TRPM1: variants seen among roughly 807,000 people sequenced by gnomAD.
TRPM1 encodes TRPM1-203 APA Isoform, Intron 10.
TRPM1 carries 113 observed loss-of-function variants against 149.4 expected under a neutral mutation model. The ratio of observed to expected loss-of-function variants is 0.76; its 90% confidence interval spans 0.65 to 0.88. The LOEUF is 0.88. Among genes scored for constraint, TRPM1 ranks in the 40% least tolerant of loss-of-function variants. The pLI, the probability that TRPM1 is intolerant of heterozygous loss-of-function variation, is 0.00. For synonymous variants in TRPM1, 741 were observed against 759.5 expected (o/e 0.98, Z 0.40); for missense variants, 1,976 against 2,038.7 (o/e 0.97, Z 0.59).
chr15:31,011,027 A>G (rs1192876841), intron 27 of TRPM1, among the ~76,000 whole-genome samples: 1 of 152,110 alleles, frequency 6.6e-6, no homozygotes, highest in Non-Finnish European at 1.5e-5. Context: ...CATGTCTATC[A>G]TGTCCTTCTT....
chr15:31,110,105 G>A (rs1269875736), intron 1 of TRPM1, among the ~76,000 whole-genome samples: 2 of 152,172 alleles, frequency 1.3e-5, no homozygotes, highest in African/African-American at 4.8e-5. Context: ...CTTCCACTTT[G>A]CATACTGTTG....
intron 1 of TRPM1, among the ~76,000 whole-genome samples, chr15:31,114,479 C>G (rs1187705516): frequency 6.6e-6 from 1 of 152,092 alleles, no homozygotes; most frequent in Admixed American, 6.6e-5. Context: ...ATTTAGGAAT[C>G]CCAATGAACT....
chr15:31,149,741 G>C lies in TRPM1; in HGVS notation c.54+11165C>G, dbSNP rs185004499. On this transcript the variant is annotated intron_variant, in intron 1 of 26. Transcript: ENST00000542188. ...TCACCGTGTTAGCCAGGATGGTCTC[G>C]ATCTCCTGACCTTGTGATCCGCCCG... is the stretch of plus-strand genomic sequence containing the variant. 4.5e-3 allele frequency among the ~76,000 whole-genome samples: 685 copies of C among 152,080 alleles called. 2 individuals are homozygous for C. The highest frequency in any genetic ancestry group is 5.9e-3 in the African/African-American group (243 of 41,524).
intron 1 of TRPM1, among the ~76,000 whole-genome samples, chr15:31,138,623 C>T (rs113862103): frequency 0.11 from 16,781 of 151,874 alleles, 968 homozygotes; most frequent in South Asian, 0.15. Context: ...TTTGGGAGTC[C>T]GAGGCAGGAG....
Position 31,038,117 on chromosome 15 carries a change from C to G in TRPM1, c.2366G>C (p.Arg789Pro). 1 of 1,613,948 alleles carries G rather than the reference C, an allele frequency of 6.2e-7. No individual in the cohort carries two copies. Among genetic ancestry groups the G allele is most frequent in the Non-Finnish European group, 8.5e-7 (1 of 1,179,918 alleles). The change falls in exon 19 of 28, where the codon CGC (arginine) becomes CCC (proline). Residue 789 changes from arginine (R) to proline (P), a missense_variant. Transcript: ENST00000256552. ...TTGATACGAGAAATCATCATATGTG[C>G]GAAATTCCAAAAACAAGATGGTGGG... ...LPPTILFLEFRTYDDFSYQTS... is the reference protein window; with the variant it reads ...LPPTILFLEFPTYDDFSYQTS...
intron 25 of TRPM1, among the ~76,000 whole-genome samples, chr15:31,027,575 A>G (rs1234639088): frequency 6.6e-6 from 1 of 152,086 alleles, no homozygotes; most frequent in African/African-American, 2.4e-5. Context: ...TCTTTGTCTT[A>G]TTTTAGCTTC....
At chr15:31,068,905 G>C (rs1294729247) in intron 4 of TRPM1, among the ~76,000 whole-genome samples, 1 of 152,124 alleles carries the variant, frequency 6.6e-6, no homozygotes, top group Non-Finnish European at 1.5e-5. Flanking sequence ...CCAGACTCTA[G>C]AAATGTGAGC....
chr15:31,060,707 G>T, intron 10 of TRPM1, 63 bp from the exon 11 acceptor site: 1 of 1,339,788 alleles, frequency 7.5e-7, no homozygotes, highest in Non-Finnish European at 1.1e-6. Context: ...GGTTTGGCAG[G>T]TGCTGGGTGG....
At chr15:31,054,034 T>C (rs1410525038) in intron 11 of TRPM1, among the ~76,000 whole-genome samples, 1 of 152,156 alleles carries the variant, frequency 6.6e-6, no homozygotes, top group Non-Finnish European at 1.5e-5. Context: ...ACAGTAGTCA[T>C]ATTCATGGCA....
At chr15:31,134,009 G>C (rs761283310) in intron 1 of TRPM1, among the ~76,000 whole-genome samples, 2 of 152,166 alleles carry the variant, frequency 1.3e-5, no homozygotes, top group African/African-American at 4.8e-5. Context: ...GCAAGTAAGC[G>C]GCCCTCTGGG....
chr15:31,003,553 G>A (rs559522415), intron 27 of TRPM1, among the ~76,000 whole-genome samples: 2 of 152,326 alleles, frequency 1.3e-5, no homozygotes, highest in African/African-American at 4.8e-5. Flanking sequence ...ACATCATGCT[G>A]CCTGTAGTAA....
At chr15:31,081,279 C>T (rs1396840492) in intron 2 of TRPM1, 74 bp downstream of exon 2, 1 of 870,794 alleles carries the variant, frequency 1.1e-6, no homozygotes, top group African/African-American at 1.8e-5. Flanking sequence ...CTAATAAAAA[C>T]GCTAGCATGT....
chr15:31,110,963 C>A (rs575230212), intron 1 of TRPM1, among the ~76,000 whole-genome samples: 1 of 145,906 alleles, frequency 6.9e-6, no homozygotes, highest in Admixed American at 7.0e-5. Context: ...TGTTGCAGTG[C>A]TGGCAGATGA....
intron 1 of TRPM1, among the ~76,000 whole-genome samples, chr15:31,086,120 A>G (rs1225247600): frequency 6.6e-6 from 1 of 152,228 alleles, no homozygotes; most frequent in Middle Eastern, 3.2e-3. Flanking sequence ...GGCTGTCATA[A>G]GCAGATAACT....
intron 27 of TRPM1, among the ~76,000 whole-genome samples, chr15:31,014,438 G>A (rs1412935500): frequency 6.6e-6 from 1 of 152,172 alleles, no homozygotes; most frequent in Non-Finnish European, 1.5e-5. Flanking sequence ...AGGAATGCAG[G>A]TTGTTGTTTT....
chr15:31,124,654 CAAAAAAA>C (rs57964365), intron 1 of TRPM1, among the ~76,000 whole-genome samples: 1 of 86,416 alleles, frequency 1.2e-5, no homozygotes. Flanking sequence ...GACTCTGTCT[CAAAAAAA>C]AAAAAAAAAA....
chr15:31,136,549 C>T (rs1247307942), intron 1 of TRPM1, among the ~76,000 whole-genome samples: 1 of 152,208 alleles, frequency 6.6e-6, no homozygotes, highest in African/African-American at 2.4e-5. Context: ...GACAATGTTG[C>T]CATTGTGGGG....
At chr15:31,079,040 G>T (rs1206496642) in intron 2 of TRPM1, among the ~76,000 whole-genome samples, 1 of 152,190 alleles carries the variant, frequency 6.6e-6, no homozygotes, top group Admixed American at 6.5e-5. Context: ...GGAAAGTGGG[G>T]AAGGTCACAA....
chr15:31,113,340 G>C (rs767060589), intron 1 of TRPM1, among the ~76,000 whole-genome samples: 66 of 152,130 alleles, frequency 4.3e-4, no homozygotes, highest in Non-Finnish European at 6.3e-4. Flanking sequence ...GGAAAGACTT[G>C]GAAAGAGCCA....
Sources: allele counts gnomAD v4.1 joint callset (sites outside exome capture counted in the v4.1 genomes callset), GRCh38; gene constraint gnomAD v4.1.1; transcripts MANE v1.5; gene names NCBI Gene and HGNC (gene_info 2026-07-23, HGNC 2026-07-21).